Variants in ANKIB1 observed in about 807,000 individuals in gnomAD.
ANKIB1 encodes ankyrin repeat and IBR domain-containing protein 1.
A neutral mutation model predicts 122.1 loss-of-function variants in ANKIB1; 43 were observed. The ratio of observed to expected loss-of-function variants is 0.35; its 90% CI spans 0.28 to 0.45. ANKIB1 has a LOEUF of 0.45. ANKIB1 is among the 20% of genes least tolerant of loss of function. The pLI, the probability that ANKIB1 is intolerant of heterozygous loss-of-function variation, is 1.00. For missense variants in ANKIB1, 992 were observed against 1,329.5 expected (o/e 0.75, Z 3.95); for synonymous variants, 390 against 442.0 (o/e 0.88, Z 1.48).
intron 5 of ANKIB1, among the ~76,000 whole-genome samples, chr7:92,338,112 A>G (rs904937088): frequency 2.6e-5 from 4 of 152,184 alleles, no homozygotes. Flanking sequence ...TTGGCCCTAC[A>G]TAAAAAAGAT....
At chr7:92,341,071 G>A (rs1369084028) in intron 5 of ANKIB1, among the ~76,000 whole-genome samples, 4 of 152,126 alleles carry the variant, frequency 2.6e-5, no homozygotes, top group South Asian at 2.1e-4. Flanking sequence ...TTGTGAGGCC[G>A]AGGTGGGCAG....
chr7:92,248,426 G>A (rs1031506444), intron 1 of ANKIB1, among the ~76,000 whole-genome samples: 1 of 152,092 alleles, frequency 6.6e-6, no homozygotes, highest in Non-Finnish European at 1.5e-5. Flanking sequence ...TTCTTTTCTG[G>A]GGTATGCACT....
intron 11 of ANKIB1, among the ~76,000 whole-genome samples, chr7:92,378,893 G>A (rs1335834639): frequency 1.3e-5 from 2 of 152,088 alleles, no homozygotes; most frequent in East Asian, 3.8e-4. Context: ...ATCAACAACA[G>A]TCAACAACCT....
chr7:92,366,089 T>A (rs1432895571), intron 10 of ANKIB1, among the ~76,000 whole-genome samples: 1 of 152,144 alleles, frequency 6.6e-6, no homozygotes, highest in Non-Finnish European at 1.5e-5. Flanking sequence ...TCTTAAGTAG[T>A]AAATCTTGTG....
Position 92,349,392 on chromosome 7 carries a change from A to G in ANKIB1, c.1086-1558A>G, listed in dbSNP as rs562716496. Among the ~76,000 whole-genome samples, 3 of 152,298 alleles carry G rather than the reference A, an allele frequency of 2.0e-5. No homozygotes were observed. The East Asian group carries it at 5.8e-4, about 29-fold the overall frequency. On this transcript the variant is annotated intron_variant, in intron 7 of 19. Transcript: ENST00000265742. ...AGGATATGAAAGAGAAGATGGAGCA[A>G]AGGGAACGGGCCTGCCAAGGTCTCA... is the stretch of plus-strand genomic sequence containing the variant.
intron 1 of ANKIB1, among the ~76,000 whole-genome samples, chr7:92,259,432 T>C (rs533481159): frequency 6.6e-6 from 1 of 152,352 alleles, no homozygotes; most frequent in South Asian, 2.1e-4. Context: ...CTGGCTTTTT[T>C]TGTATTCAAT....
At chr7:92,382,138 G>A (rs1432017882) in intron 11 of ANKIB1, among the ~76,000 whole-genome samples, 1 of 150,906 alleles carries the variant, frequency 6.6e-6, no homozygotes, top group African/African-American at 2.4e-5. Flanking sequence ...GATCAAAAGA[G>A]ACAAGGCCAT....
chr7:92,246,092 A>G lies in ANKIB1; in HGVS notation c.-518A>G. The G allele has an allele frequency of 3.6e-6, 1 of 280,056 alleles. No homozygotes were observed. The highest frequency in any genetic ancestry group is 6.9e-6 in the Non-Finnish European group (1 of 145,648). 17.3% of individuals were successfully genotyped at this position (280,056 alleles called of 1,614,324 possible). ...GTGGCGGTGGGGGTGCCAGCGGCTG[A>G]GCCGGAGCCGGAGCCGGAGGCGGGG... On this transcript the variant is annotated 5_prime_UTR_variant, in exon 1 of 20. Transcript: ENST00000265742.
chr7:92,366,125 A>G (rs1465074640), intron 10 of ANKIB1, among the ~76,000 whole-genome samples: 2 of 152,126 alleles, frequency 1.3e-5, no homozygotes, highest in Non-Finnish European at 2.9e-5. Flanking sequence ...TAAAAGATTT[A>G]ATACACCATA....
intron 7 of ANKIB1, among the ~76,000 whole-genome samples, chr7:92,348,995 A>G (rs1380566901): frequency 6.6e-6 from 1 of 152,216 alleles, no homozygotes; most frequent in Non-Finnish European, 1.5e-5. Flanking sequence ...TGAGGAAGGA[A>G]TAACAGATCA....
At position 92,318,384 on chromosome 7, in the gene ANKIB1, C is replaced by T. The variant is rs555463177; in HGVS notation, c.487-946C>T. ...TACAAAAATTAGCTGGGCGTGGTGG[C>T]GGGTGCCTGTAATCCCAGCTACTCG... On this transcript the variant is annotated intron_variant, in intron 3 of 19. Coordinates refer to ENST00000265742, the MANE Select transcript of ANKIB1 (RefSeq NM_019004.2). 2.0e-5 allele frequency among the ~76,000 whole-genome samples: 3 copies of T among 152,100 alleles called. No homozygotes were observed. In the South Asian group the frequency reaches 6.2e-4, roughly 32 times the overall value.
rs894299951 is a variant in ANKIB1 at position 92,400,906 on chromosome 7, T to G, written c.*1957T>G. 6.6e-6 allele frequency: 1 copy of G among 152,240 alleles called. No homozygotes were observed. The highest frequency in any genetic ancestry group is 1.9e-4 in the East Asian group (1 of 5,206). 9.4% of individuals were successfully genotyped at this position (152,240 alleles called of 1,614,324 possible). On this transcript the variant is annotated 3_prime_UTR_variant, in exon 20 of 20. Coordinates refer to ENST00000265742, the MANE Select transcript of ANKIB1 (RefSeq NM_019004.2). ...TTAAAAATATCAACACCAATAAGTT[T>G]TTAGACCAAGTTGTAATTTTTCCAA...
At chr7:92,313,181 A>T (rs542288345) in intron 3 of ANKIB1, among the ~76,000 whole-genome samples, 1 of 152,290 alleles carries the variant, frequency 6.6e-6, no homozygotes, top group East Asian at 1.9e-4. Flanking sequence ...CTACTTGCTT[A>T]TTCAGAGTTT....
At chr7:92,273,018 G>GAT (rs1342726894) in intron 1 of ANKIB1, among the ~76,000 whole-genome samples, 1 of 152,106 alleles carries the variant, frequency 6.6e-6, no homozygotes, top group African/African-American at 2.4e-5. Flanking sequence ...AGCATCATTG[G>GAT]ATATATATAG....
intron 13 of ANKIB1, 34 bp downstream of exon 13, chr7:92,387,918 A>G (rs753401379): frequency 3.9e-5 from 62 of 1,607,912 alleles, no homozygotes; most frequent in Non-Finnish European, 4.8e-5. Context: ...GAGCTGACCT[A>G]TACTGTTGTG....
intron 5 of ANKIB1, among the ~76,000 whole-genome samples, chr7:92,330,858 C>CAA (rs1046111564): frequency 8.6e-4 from 130 of 151,876 alleles, no homozygotes; most frequent in Non-Finnish European, 2.4e-4. Flanking sequence ...AAAACAAAAA[C>CAA]AAAAAACAAA....
At chr7:92,324,258 G>C (rs1802975811) in intron 4 of ANKIB1, among the ~76,000 whole-genome samples, 1 of 152,176 alleles carries the variant, frequency 6.6e-6, no homozygotes, top group Non-Finnish European at 1.5e-5. Context: ...TTTTGAGACA[G>C]AGTCTCACTG....
At chr7:92,252,029 A>C (rs932539747) in intron 1 of ANKIB1, among the ~76,000 whole-genome samples, 1 of 152,122 alleles carries the variant, frequency 6.6e-6, no homozygotes, top group Admixed American at 6.6e-5. Flanking sequence ...CTAGATCTAT[A>C]TAATTCTTCC....
chr7:92,260,647 T>C (rs939281657), intron 1 of ANKIB1, among the ~76,000 whole-genome samples: 2 of 151,604 alleles, frequency 1.3e-5, no homozygotes, highest in Non-Finnish European at 2.9e-5. Context: ...TGTGCCACTT[T>C]ACTCCAGCAT....
Sources: gnomAD v4.1 joint callset for allele counts (sites outside exome capture counted in the v4.1 genomes callset) on GRCh38, gnomAD v4.1.1 for gene constraint, MANE v1.5 for transcripts, NCBI Gene and HGNC (gene_info 2026-07-23, HGNC 2026-07-21) for gene names.